Variants in CYGB observed in about 807,000 individuals in gnomAD.
CYGB encodes the protein histoglobin.
Under a neutral mutation model 20.7 loss-of-function variants are expected in CYGB, and 13 were observed. That is an observed-to-expected ratio of 0.63 (90% confidence interval 0.41 to 1.00). The LOEUF (loss-of-function observed/expected upper bound fraction) is 1.00, where lower values mean the gene tolerates loss of function less well. Ranked by LOEUF, CYGB falls within the 50% of genes least tolerant of loss-of-function variation. CYGB has a pLI of 0.00. For missense variants in CYGB, 218 were observed against 257.2 expected (o/e 0.85, Z 1.04); for synonymous variants, 93 against 107.4 (o/e 0.87, Z 0.83).
In CYGB at chr17:76,537,637, G is replaced by T. The variant is rs957241642; in HGVS notation, c.-95C>A. 2.1e-6 allele frequency: 2 copies of T among 969,022 alleles called. No individual in the cohort carries two copies. The highest frequency in any genetic ancestry group is 3.6e-5 in the African/African-American group (2 of 56,224). The allele number at this position is 969,022 out of a possible 1,614,324, so 60.0% of individuals were successfully genotyped here. ...GGCGCCGGGAGCCGGGGCCGGCTGC[G>T]TGCGCGGCGGGCGGGCGAGGGGTAG... On this transcript the variant is annotated 5_prime_UTR_variant, in exon 1 of 4. Coordinates refer to ENST00000293230, the MANE Select transcript of CYGB (RefSeq NM_134268.5).
At chr17:76,539,946 T>C (rs143617397), upstream of CYGB, 1,786 of 615,932 alleles carry the variant, frequency 2.9e-3, 21 homozygotes, top group African/African-American at 0.027. Flanking sequence ...GGGGAGAACC[T>C]GGGCCCAGTG....
Position 76,531,614 on chromosome 17 carries a change from C to T in CYGB, c.221G>A (p.Arg74Gln), listed in dbSNP as rs146768380. 37 of 1,613,502 alleles carry T rather than the reference C, an allele frequency of 2.3e-5. No homozygotes were observed. In the African/African-American group the frequency reaches 4.1e-4, roughly 18 times the overall value. The change falls in exon 2 of 4, where the codon CGG becomes CAG. Residue 74 changes from arginine to glutamine, a missense_variant. Arg to Gln is a conservative substitution (Grantham distance 43). This residue lies in a region of CYGB where 152 missense variants were observed against 149.9 expected (regional missense o/e 1.01). Coordinates refer to ENST00000293230, the MANE Select transcript of CYGB (RefSeq NM_134268.5). The surrounding 1 kb of genome is among the most constrained non-coding windows in gnomAD (Gnocchi z 7.4). ...GGCGTGCTTCCGCAGCTGGGGGCTCCGCTCCATCTCCAGGGGATCCTCCAT... is the reference window on the plus strand; with the variant it reads ...GGCGTGCTTCCGCAGCTGGGGGCTCTGCTCCATCTCCAGGGGATCCTCCAT... ...KHMEDPLEMERSPQLRKHACR... is the reference protein window; with the variant it reads ...KHMEDPLEMEQSPQLRKHACR...
At position 76,529,144 on chromosome 17, in the gene CYGB, G is replaced by A. The variant is rs2074803113; in HGVS notation, c.540-533C>T. ...GCCCACCCCTGCTTCCCTGATAAGA[G>A]AAGTTGGGCGAGGGCCTTCTAGGAC... On this transcript the variant is annotated intron_variant, in intron 3 of 3. Transcript: ENST00000293230. 3 of 981,418 alleles carry A rather than the reference G, an allele frequency of 3.1e-6. No individual in the cohort carries two copies. The African/African-American group carries it at 5.4e-5, about 18-fold the overall frequency. The allele number at this position is 981,418 out of a possible 1,614,324, so 60.8% of individuals were successfully genotyped here. A position where few individuals can be genotyped will look rare whatever the true frequency, so the allele number is the denominator to read the frequency against.
At chr17:76,540,459 G>C (rs1315942764), upstream of CYGB, 7 of 1,599,980 alleles carry the variant, frequency 4.4e-6, no homozygotes, top group Non-Finnish European at 5.1e-6. The surrounding 1 kb of genome is among the most constrained non-coding windows in gnomAD (Gnocchi z 5.0). Flanking sequence ...ACAGTGAGGG[G>C]CTGGGCACAG....
intron 1 of CYGB, chr17:76,544,585 C>T (rs748261845): frequency 1.1e-5 from 5 of 456,606 alleles, no homozygotes; most frequent in Non-Finnish European, 2.2e-5. Context: ...GCCAGAGCGC[C>T]AGCCTGACCC....
At chr17:76,536,594 G>A (rs1252850849) in intron 1 of CYGB, among the ~76,000 whole-genome samples, 1 of 152,156 alleles carries the variant, frequency 6.6e-6, no homozygotes, top group African/African-American at 2.4e-5. Context: ...TGGTGTGTGT[G>A]CTCTAAGCCT....
At chr17:76,529,216 C>A in intron 3 of CYGB, 5 of 985,418 alleles carry the variant, frequency 5.1e-6, no homozygotes, top group Non-Finnish European at 6.0e-6. Flanking sequence ...GGGACCCTGG[C>A]AGCAGGGAGG....
chr17:76,547,656 C>T (rs2075064910), intron 1 of CYGB, among the ~76,000 whole-genome samples: 1 of 151,502 alleles, frequency 6.6e-6, no homozygotes, highest in African/African-American at 2.4e-5. Context: ...CACACACACA[C>T]ACACACATAT....
intron 1 of CYGB, among the ~76,000 whole-genome samples, chr17:76,547,770 CAT>C (rs1321610516): frequency 1.3e-5 from 2 of 150,078 alleles, no homozygotes; most frequent in African/African-American, 4.9e-5. Flanking sequence ...CCTATACAAA[CAT>C]ATAATACACA....
chr17:76,529,649 G>GCT (rs761553534), intron 3 of CYGB: 129 of 985,322 alleles, frequency 1.3e-4, no homozygotes, highest in Non-Finnish European at 1.5e-4. Flanking sequence ...GGAGAGGGGT[G>GCT]GGAGGGCAGG....
In CYGB at chr17:76,531,516, C is replaced by G; in HGVS notation, c.319G>C (p.Ala107Pro). 1 of 1,613,972 alleles carries G rather than the reference C, an allele frequency of 6.2e-7. No individual in the cohort carries two copies. The highest frequency in any genetic ancestry group is 8.5e-7 in the Non-Finnish European group (1 of 1,179,824). The change falls in exon 2 of 4, where the codon GCC becomes CCC. Residue 107 changes from alanine to proline, a missense_variant. This residue lies in a region of CYGB where 152 missense variants were observed against 149.9 expected (regional missense o/e 1.01). Coordinates refer to ENST00000293230, the MANE Select transcript of CYGB (RefSeq NM_134268.5). This position sits in a 1 kb window ranked among gnomAD's most constrained non-coding sequence, Gnocchi z 7.4. ...HDPDKVSSVLALVGKAHALKH... is the reference protein window; with the variant it reads ...HDPDKVSSVLPLVGKAHALKH... ...AGGGCGTGGGCTTTCCCCACAAGGG[C>G]GAGCACAGAGGACACCTTGTCGGGG... is the stretch of plus-strand genomic sequence containing the variant.
rs2074787226 is a variant in CYGB at position 76,528,006 on chromosome 17, T to C, written c.*572A>G. The stretch of plus-strand genomic sequence containing the variant: ...CTCTGCGCTGCTGTGGGATTTCCTC[T>C]TTGCCAGAACACTCTGTTCTCTGCA... On this transcript the variant is annotated 3_prime_UTR_variant, in exon 4 of 4. Coordinates refer to ENST00000293230, the MANE Select transcript of CYGB (RefSeq NM_134268.5). The surrounding 1 kb of genome is among the most constrained non-coding windows in gnomAD (Gnocchi z 5.8). 1 of 362,004 alleles carries C rather than the reference T, an allele frequency of 2.8e-6. No individual in the cohort carries two copies. The highest frequency in any genetic ancestry group is 3.7e-5 in the Admixed American group (1 of 27,262). 22.4% of individuals were successfully genotyped at this position (362,004 alleles called of 1,614,324 possible). A position where few individuals can be genotyped will look rare whatever the true frequency, so the allele number is the denominator to read the frequency against.
At chr17:76,544,662 C>G in intron 1 of CYGB, 1 of 456,798 alleles carries the variant, frequency 2.2e-6, no homozygotes, top group Middle Eastern at 3.3e-4. Flanking sequence ...GAGGCATCGG[C>G]CTTCCTGGTG....
Position 76,531,445 on chromosome 17 carries a change from G to C in CYGB, c.375+15C>G, listed in dbSNP as rs756028854. The C allele has an allele frequency of 6.3e-7, 1 of 1,596,706 alleles. No individual in the cohort carries two copies. Among genetic ancestry groups the C allele is most frequent in the East Asian group, 2.3e-5 (1 of 44,326 alleles). ...CGTGGGCGGTGGGGGCTCTGCAGCA[G>C]ATGGGGGCGCATACCTTGAAGTACA... is the stretch of plus-strand genomic sequence containing the variant. On this transcript the variant is annotated intron_variant, in intron 2 of 3. Coordinates refer to ENST00000293230, the MANE Select transcript of CYGB (RefSeq NM_134268.5). This position sits in a 1 kb window ranked among gnomAD's most constrained non-coding sequence, Gnocchi z 7.4.
chr17:76,547,090 C>T (rs2075059902), intron 1 of CYGB: 1 of 152,292 alleles, frequency 6.6e-6, no homozygotes, highest in South Asian at 2.1e-4. Context: ...GGGTCATTGC[C>T]ACCAATCTGT....
rs1019821250 is a variant in CYGB at position 76,531,328 on chromosome 17, C to G, written c.375+132G>C. Reference sequence around the variant, plus strand: ...CCAGCCCCTCCATCCTGCTGCCGGGCACTGCCCCTCCCTCTCGCAGCCACT... The same window carrying G: ...CCAGCCCCTCCATCCTGCTGCCGGGGACTGCCCCTCCCTCTCGCAGCCACT... On this transcript the variant is annotated intron_variant, in intron 2 of 3. Coordinates refer to ENST00000293230, the MANE Select transcript of CYGB (RefSeq NM_134268.5). This position sits in a 1 kb window ranked among gnomAD's most constrained non-coding sequence, Gnocchi z 7.4. The G allele has an allele frequency of 7.2e-6, 9 of 1,258,264 alleles. No homozygotes were observed. In the African/African-American group the frequency reaches 1.3e-4, roughly 19 times the overall value. 77.9% of individuals were successfully genotyped at this position (1,258,264 alleles called of 1,614,324 possible).
At position 76,531,337 on chromosome 17, in the gene CYGB, T is replaced by C; in HGVS notation, c.375+123A>G. Reference sequence around the variant, plus strand: ...CCATCCTGCTGCCGGGCACTGCCCCTCCCTCTCGCAGCCACTCCGGGGATC... The same window carrying C: ...CCATCCTGCTGCCGGGCACTGCCCCCCCCTCTCGCAGCCACTCCGGGGATC... On this transcript the variant is annotated intron_variant, in intron 2 of 3. Coordinates refer to ENST00000293230, the MANE Select transcript of CYGB (RefSeq NM_134268.5). The surrounding 1 kb of genome is among the most constrained non-coding windows in gnomAD (Gnocchi z 7.4). 7.6e-7 allele frequency: 1 copy of C among 1,310,890 alleles called. No homozygotes were observed. The highest frequency in any genetic ancestry group is 1.0e-6 in the Non-Finnish European group (1 of 953,312). 81.2% of individuals were successfully genotyped at this position (1,310,890 alleles called of 1,614,324 possible).
rs560943649 is a variant in CYGB at position 76,544,487 on chromosome 17, C to T, written c.-53+6375G>A. ...TCGGGGAGCCTGGCTGGGGTGTGTGCGAAGGCAGTTCTGTGGGAGCCTCTC... is the reference window on the plus strand; with the variant it reads ...TCGGGGAGCCTGGCTGGGGTGTGTGTGAAGGCAGTTCTGTGGGAGCCTCTC... On this transcript the variant is annotated intron_variant, in intron 1 of 3. Transcript: ENST00000589145. The T allele has an allele frequency of 4.6e-5, 21 of 455,896 alleles. 1 individual carries two copies. The highest frequency in any genetic ancestry group is 3.4e-4 in the African/African-American group (17 of 50,162). The allele number at this position is 455,896 out of a possible 1,614,324, so 28.2% of individuals were successfully genotyped here. A position where few individuals can be genotyped will look rare whatever the true frequency, so the allele number is the denominator to read the frequency against.
chr17:76,549,229 G>C (rs916035526), intron 1 of CYGB, among the ~76,000 whole-genome samples: 1 of 152,178 alleles, frequency 6.6e-6, no homozygotes, highest in Middle Eastern at 3.2e-3. Flanking sequence ...AATACATAAA[G>C]AACTTTTACA....
Sources: gnomAD v4.1 joint callset for allele counts (sites outside exome capture counted in the v4.1 genomes callset) on GRCh38, gnomAD v4.1.1 for gene constraint, gnomAD v4.1.1 regional missense constraint, Gnocchi (gnomAD v3.1) non-coding constraint, MANE v1.5 for transcripts, NCBI Gene and HGNC (gene_info 2026-07-23, HGNC 2026-07-21) for gene names.